Variants in FMN2 observed in about 807,000 individuals in gnomAD.
FMN2 encodes formin-2.
A neutral mutation model predicts 142.3 loss-of-function variants in FMN2; 51 were observed. The ratio of observed to expected loss-of-function variants is 0.36; its 90% confidence interval spans 0.29 to 0.45. The LOEUF (loss-of-function observed/expected upper bound fraction) is 0.45. FMN2 is among the 20% of genes least tolerant of loss of function. The pLI is 1.00. For synonymous variants in FMN2, 882 were observed against 869.8 expected (o/e 1.01, Z -0.25); for missense variants, 1,936 against 2,122.8 (o/e 0.91, Z 1.73).
Position 240,336,553 on chromosome 1 carries a change from C to CAAAAAAAAAAA in FMN2, c.4765+2343_4765+2353dup, listed in dbSNP as rs552135436. Among the ~76,000 whole-genome samples, 9 of 50,526 alleles carry CAAAAAAAAAAA rather than the reference C, an allele frequency of 1.8e-4. 1 individual carries two copies. In the East Asian group the frequency reaches 0.018, roughly 100 times the overall value. The allele number at this position is 50,526 out of a possible 152,430, so 33.1% of individuals were successfully genotyped here. On this transcript the variant is annotated intron_variant, in intron 13 of 17. Coordinates refer to ENST00000319653, the MANE Select transcript of FMN2 (RefSeq NM_020066.5). Reference sequence around the variant, plus strand: ...GTTAAAAGGACTTCATGGTATTCTCCAAAAAAAAAAAAAAAAAAAAAAAAA... The same window carrying CAAAAAAAAAAA: ...GTTAAAAGGACTTCATGGTATTCTCCAAAAAAAAAAAAAAAAAAAAAAAAAAAAAAAAAAAA...
chr1:240,123,435 T>C, intron 2 of FMN2, 90 bp downstream of exon 2: 1 of 1,291,616 alleles, frequency 7.7e-7, no homozygotes. Context: ...CCCTATAATT[T>C]AAAAACAACA....
At chr1:240,331,688 G>A (rs970388667) in intron 11 of FMN2, among the ~76,000 whole-genome samples, 2 of 152,034 alleles carry the variant, frequency 1.3e-5, no homozygotes, top group African/African-American at 4.8e-5. Flanking sequence ...ACATAAAATG[G>A]AGTTATGGCC....
At chr1:240,178,388 A>G (rs1413481198) in intron 3 of FMN2, among the ~76,000 whole-genome samples, 1 of 91,862 alleles carries the variant, frequency 1.1e-5, no homozygotes, top group Admixed American at 9.1e-5. Flanking sequence ...TTGTGTAACA[A>G]TCAATGCTTT....
intron 2 of FMN2, among the ~76,000 whole-genome samples, chr1:240,132,773 T>C (rs905226651): frequency 6.6e-6 from 1 of 152,132 alleles, no homozygotes; most frequent in Non-Finnish European, 1.5e-5. Flanking sequence ...CATGGAGGGC[T>C]AGATTAGAGG....
At chr1:240,445,718 T>TTTCCGG (rs1388118483) in intron 16 of FMN2, among the ~76,000 whole-genome samples, 1 of 147,002 alleles carries the variant, frequency 6.8e-6, no homozygotes, top group Non-Finnish European at 1.5e-5. Context: ...TTTTTTTTTC[T>TTTCCGG]GGAGAGAAAA....
At chr1:240,425,745 C>G (rs1038064651) in intron 15 of FMN2, among the ~76,000 whole-genome samples, 1 of 152,162 alleles carries the variant, frequency 6.6e-6, no homozygotes, top group African/African-American at 2.4e-5. Context: ...TCTGCCAGCA[C>G]GTGAACCTGA....
chr1:240,366,049 G>A, intron 14 of FMN2, among the ~76,000 whole-genome samples: 1 of 152,114 alleles, frequency 6.6e-6, no homozygotes, highest in East Asian at 1.9e-4. Context: ...AGAAGGCAGA[G>A]TGTTACCTTG....
At chr1:240,153,770 A>G (rs190385859) in intron 2 of FMN2, among the ~76,000 whole-genome samples, 79 of 152,232 alleles carry the variant, frequency 5.2e-4, no homozygotes, top group Admixed American at 5.9e-4. Context: ...TTTAAATTTC[A>G]TGAACTTTTT....
chr1:240,147,716 C>T (rs1394913753), intron 2 of FMN2, among the ~76,000 whole-genome samples: 3 of 152,160 alleles, frequency 2.0e-5, no homozygotes, highest in Non-Finnish European at 2.9e-5. Flanking sequence ...ACCCTAGGGT[C>T]ATACTGTAGC....
intron 14 of FMN2, among the ~76,000 whole-genome samples, chr1:240,375,039 G>C (rs1672998649): frequency 6.6e-6 from 1 of 152,128 alleles, no homozygotes; most frequent in African/African-American, 2.4e-5. Context: ...TTTCGACACT[G>C]TTGTGTCTCA....
chr1:240,401,604 T>G (rs1032429788), intron 15 of FMN2, among the ~76,000 whole-genome samples: 3 of 152,230 alleles, frequency 2.0e-5, no homozygotes, highest in African/African-American at 7.2e-5. Context: ...TGACAAATTT[T>G]TGTGCTTGAT....
At chr1:240,380,436 A>G (rs1454846291) in intron 14 of FMN2, among the ~76,000 whole-genome samples, 1 of 152,186 alleles carries the variant, frequency 6.6e-6, no homozygotes, top group Non-Finnish European at 1.5e-5. Context: ...TTTGAAATGA[A>G]TGAAACTAGA....
chr1:240,328,765 T>C (rs1196018885), intron 8 of FMN2, among the ~76,000 whole-genome samples: 1 of 151,988 alleles, frequency 6.6e-6, no homozygotes, highest in Non-Finnish European at 1.5e-5. Context: ...AATTTTTGTA[T>C]TTTTAGTAGA....
At chr1:240,353,211 C>A (rs147828906) in intron 13 of FMN2, among the ~76,000 whole-genome samples, 35 of 152,212 alleles carry the variant, frequency 2.3e-4, no homozygotes, top group Non-Finnish European at 3.8e-4. Context: ...ACAATAGCAG[C>A]AATAGCTACT....
At position 240,093,337 on chromosome 1, in the gene FMN2, C is replaced by T; in HGVS notation, c.1228C>T (p.Pro410Ser). The change falls in exon 1 of 18, where the codon CCC (proline) becomes TCC (serine). Residue 410 changes from proline (P) to serine (S), a missense_variant. By Grantham distance (74) the Pro-to-Ser change is moderately conservative. Coordinates refer to ENST00000319653, the MANE Select transcript of FMN2 (RefSeq NM_020066.5). Reference protein sequence around the residue: ...SPAPSQRCFKPYPLITPCYIK... With the variant: ...SPAPSQRCFKSYPLITPCYIK... ...CGCGCCTAGCCAGCGCTGTTTCAAGCCCTACCCGCTCATCACCCCCTGCTA... is the reference window on the plus strand; with the variant it reads ...CGCGCCTAGCCAGCGCTGTTTCAAGTCCTACCCGCTCATCACCCCCTGCTA... 6.2e-7 allele frequency: 1 copy of T among 1,613,106 alleles called. No homozygotes were observed. The highest frequency in any genetic ancestry group is 8.5e-7 in the Non-Finnish European group (1 of 1,179,568).
intron 7 of FMN2, among the ~76,000 whole-genome samples, chr1:240,278,974 AT>A (rs1463030085): frequency 6.6e-6 from 1 of 152,314 alleles, no homozygotes; most frequent in Non-Finnish European, 1.5e-5. Flanking sequence ...TTTGAATGGA[AT>A]CTTGAAGAGA....
intron 8 of FMN2, among the ~76,000 whole-genome samples, chr1:240,304,468 G>A (rs1340804347): frequency 2.0e-5 from 3 of 152,080 alleles, no homozygotes; most frequent in African/African-American, 7.2e-5. Context: ...GGCACAAGTG[G>A]TCACTTTCTA....
chr1:240,383,714 C>T (rs997471280), intron 14 of FMN2, among the ~76,000 whole-genome samples: 4 of 151,948 alleles, frequency 2.6e-5, no homozygotes, highest in African/African-American at 9.7e-5. Context: ...AACTACCATT[C>T]GACCCAGCAA....
At chr1:240,121,735 TAAAAA>T (rs71168898) in intron 1 of FMN2, among the ~76,000 whole-genome samples, 97 of 25,668 alleles carry the variant, frequency 3.8e-3, no homozygotes, top group African/African-American at 0.014. Flanking sequence ...AGGGAAATAG[TAAAAA>T]AAAAAAAAAA....
Sources: allele counts gnomAD v4.1 joint callset (sites outside exome capture counted in the v4.1 genomes callset), GRCh38; gene constraint gnomAD v4.1.1; transcripts MANE v1.5; gene names NCBI Gene and HGNC (gene_info 2026-07-23, HGNC 2026-07-21).